Variants in NBEAL2 observed in about 807,000 individuals in gnomAD.
NBEAL2 encodes neurobeachin like 2, also known as neurobeachin-like protein 2.
NBEAL2 carries 160 observed loss-of-function variants against 299.8 expected under a neutral mutation model. The observed-to-expected ratio is 0.53, with a 90% confidence interval of 0.47 to 0.61. NBEAL2 has a LOEUF of 0.61. Ranked by LOEUF, NBEAL2 falls within the 20% of genes least tolerant of loss-of-function variation. The pLI is 0.00. For synonymous variants in NBEAL2, 1,493 were observed against 1,542.3 expected (o/e 0.97, Z 0.75); for missense variants, 3,112 against 3,649.0 (o/e 0.85, Z 3.79).
Position 47,004,071 on chromosome 3 carries a change from C to G in NBEAL2, c.5882-6C>G. ...TGACTCCCGTACCTGCTGTTCCTCC[C>G]CATAGGCATCGGCTATGATTTCCGG... On this transcript the variant is annotated splice_polypyrimidine_tract_variant and splice_region_variant and intron_variant, in intron 36 of 53. Transcript: ENST00000450053. The surrounding 1 kb of genome is among the most constrained non-coding windows in gnomAD (Gnocchi z 5.0). 1.2e-6 allele frequency: 2 copies of G among 1,611,214 alleles called. No homozygotes were observed. The highest frequency in any genetic ancestry group is 1.7e-6 in the Non-Finnish European group (2 of 1,178,110).
In NBEAL2 at chr3:46,998,051, T is replaced by G. The variant is rs962557414; in HGVS notation, c.2959-16T>G. ...GCAGAGCCTGAGCCCTCACTCCAGC[T>G]CCTGTCTTATCCCAGGTCCCAAGCT... On this transcript the variant is annotated splice_polypyrimidine_tract_variant and intron_variant, in intron 20 of 53. Transcript: ENST00000450053. 2.6e-6 allele frequency: 4 copies of G among 1,554,586 alleles called. No homozygotes were observed. In the African/African-American group the frequency reaches 5.5e-5, roughly 21 times the overall value.
chr3:47,004,970 A>G lies in NBEAL2; in HGVS notation c.6295-2A>G. ...GCAGCCCCTGCTCGGGTGGGTGGCC[A>G]GTTCCCCTGGGTCCTGCAGGACTAC... On this transcript the variant is annotated splice_acceptor_variant, in intron 38 of 53. Transcript: ENST00000450053. LOFTEE classifies it high-confidence loss of function. This position sits in a 1 kb window ranked among gnomAD's most constrained non-coding sequence, Gnocchi z 5.0. The G allele has an allele frequency of 1.2e-6, 2 of 1,605,174 alleles. No homozygotes were observed. Among genetic ancestry groups the G allele is most frequent in the East Asian group, 2.3e-5 (1 of 44,346 alleles).
At position 46,999,387 on chromosome 3, in the gene NBEAL2, GGT is replaced by G. The variant is rs1184755298; in HGVS notation, c.3617_3618del (p.Gly1206AlafsTer10). The G allele has an allele frequency of 6.2e-7, 1 of 1,604,170 alleles. No individual in the cohort carries two copies. The highest frequency in any genetic ancestry group is 8.5e-7 in the Non-Finnish European group (1 of 1,176,256). On this transcript the variant is annotated frameshift_variant, in exon 25 of 54. Coordinates refer to ENST00000450053, the MANE Select transcript of NBEAL2 (RefSeq NM_015175.3). LOFTEE classifies it high-confidence loss of function. Reference sequence around the variant, plus strand: ...CCAGCGCCTCCGGCTGCGGGAGTGTGGTCTCCAGGGTCTGGTTGCCTGCTTGC... The same window carrying G: ...CCAGCGCCTCCGGCTGCGGGAGTGTGCTCCAGGGTCTGGTTGCCTGCTTGC... ...SRQRLRLREC[G>X]LQGLVACLPE...
rs549138493 is a variant in NBEAL2 at position 47,009,622 on chromosome 3, A to T, written c.*302A>T. 1.4e-5 allele frequency: 6 copies of T among 430,694 alleles called. No individual in the cohort carries two copies. The highest frequency in any genetic ancestry group is 2.5e-5 in the Non-Finnish European group (6 of 240,492). The allele number at this position is 430,694 out of a possible 1,614,324, so 26.7% of individuals were successfully genotyped here. On this transcript the variant is annotated 3_prime_UTR_variant, in exon 54 of 54. Transcript: ENST00000450053. ...TTCCAAGTCGCTGTTTCGTCAAAGC[A>T]CGAGGGCCGCCTGTGGCCTTAATTC... is the stretch of plus-strand genomic sequence containing the variant.
In NBEAL2 at chr3:47,003,439, G is replaced by A; in HGVS notation, c.5720+130G>A. The stretch of plus-strand genomic sequence containing the variant: ...CTGCCCGACTACGTCCCCCTGAAGG[G>A]ACTGTCCAAAGCCAGATGGTGAGTG... On this transcript the variant is annotated intron_variant, in intron 35 of 53. Coordinates refer to ENST00000450053, the MANE Select transcript of NBEAL2 (RefSeq NM_015175.3). The surrounding 1 kb of genome is among the most constrained non-coding windows in gnomAD (Gnocchi z 7.0). 1 of 1,352,562 alleles carries A rather than the reference G, an allele frequency of 7.4e-7. No individual in the cohort carries two copies. The highest frequency in any genetic ancestry group is 1.5e-5 in the African/African-American group (1 of 68,670). 83.8% of individuals were successfully genotyped at this position (1,352,562 alleles called of 1,614,324 possible). A position where few individuals can be genotyped will look rare whatever the true frequency, so the allele number is the denominator to read the frequency against.
chr3:46,990,232 T>C (rs1361632450), intron 6 of NBEAL2, among the ~76,000 whole-genome samples: 3 of 152,086 alleles, frequency 2.0e-5, no homozygotes, highest in Non-Finnish European at 4.4e-5. Flanking sequence ...TGGGCCTGGA[T>C]CTAGAGTTGG....
At position 46,989,584 on chromosome 3, in the gene NBEAL2, T is replaced by G. The variant is rs780666612; in HGVS notation, c.547T>G (p.Phe183Val). Residue 183 changes from phenylalanine (F) to valine (V), a missense_variant, in exon 6 of 54, where the codon TTC becomes GTC. Phe to Val is a conservative substitution (Grantham distance 50, BLOSUM62 -1). Coordinates refer to ENST00000450053, the MANE Select transcript of NBEAL2 (RefSeq NM_015175.3). This position sits in a 1 kb window ranked among gnomAD's most constrained non-coding sequence, Gnocchi z 5.5. ...TGCTTTGCCCCAGGAATTCAGCGCC[T>G]TCTTCCAAGGTCAGGCCCCGCCCCT... ...PAALPQEFSA[F>V]FQESLQNADH... The G allele has an allele frequency of 1.9e-6, 3 of 1,591,146 alleles. No homozygotes were observed. Among genetic ancestry groups the G allele is most frequent in the South Asian group, 2.3e-5 (2 of 87,420 alleles).
At chr3:47,007,197 C>G in intron 46 of NBEAL2, 42 bp downstream of exon 46, 1 of 1,610,128 alleles carries the variant, frequency 6.2e-7, no homozygotes, top group Non-Finnish European at 8.5e-7. Context: ...TCCACTCCCC[C>G]TTGCCTCTGC....
In NBEAL2 at chr3:46,996,952, A is replaced by C; in HGVS notation, c.2557-2A>C. On this transcript the variant is annotated splice_acceptor_variant, in intron 17 of 53. Transcript: ENST00000450053. LOFTEE classifies it high-confidence loss of function. ...GCTGCCTGCCCATTCCCCTATCCCT[A>C]GGCTTGTAAGAACAACATCTGCCTG... The C allele has an allele frequency of 1.2e-6, 2 of 1,612,894 alleles. No individual in the cohort carries two copies. The highest frequency in any genetic ancestry group is 8.5e-7 in the Non-Finnish European group (1 of 1,179,706).
rs754562426 is a variant in NBEAL2, at chr3:46,997,380, T to G, written c.2771T>G (p.Leu924Arg). Residue 924 changes from leucine to arginine, a missense_variant, in exon 19 of 54, where the codon CTG becomes CGG. Coordinates refer to ENST00000450053, the MANE Select transcript of NBEAL2 (RefSeq NM_015175.3). ...ACGCATGACCTCGTGGGTCCTGAAC[T>G]GACCTCTGGTCACAACACCCAGGGC... ...AETHDLVGPE[L>R]TSGHNTQGLV... The G allele has an allele frequency of 8.7e-6, 14 of 1,611,618 alleles. No homozygotes were observed. Among genetic ancestry groups the G allele is most frequent in the Non-Finnish European group, 1.2e-5 (14 of 1,179,568 alleles).
In NBEAL2 at chr3:46,995,991, T is replaced by A. The variant is rs751937569; in HGVS notation, c.2091T>A (p.His697Gln). ...GRRPFSQNLV[H>Q]VYKDGHLVKT... ...GGCCCTTCAGCCAGAACCTGGTCCA[T>A]GTCTACAAAGACGGCCATCTGGTCA... The change falls in exon 15 of 54, where the codon CAT becomes CAA. Residue 697 changes from histidine to glutamine, a missense_variant. Physicochemically the swap from His to Gln is conservative, Grantham distance 24. Around this residue, in one of 3 missense-constraint regions of NBEAL2, gnomAD observed 2,243 missense variants for 2,538.1 expected, o/e 0.88. Coordinates refer to ENST00000450053, the MANE Select transcript of NBEAL2 (RefSeq NM_015175.3). 1.2e-6 allele frequency: 2 copies of A among 1,613,082 alleles called. No homozygotes were observed. Among genetic ancestry groups the A allele is most frequent in the South Asian group, 2.2e-5 (2 of 90,970 alleles).
At chr3:46,990,413 C>T (rs980699034) in intron 6 of NBEAL2, among the ~76,000 whole-genome samples, 1 of 152,236 alleles carries the variant, frequency 6.6e-6, no homozygotes, top group African/African-American at 2.4e-5. Context: ...CAGCCTTTCT[C>T]TCCACTTGCC....
rs770945623 is a variant in NBEAL2 at position 46,988,821 on chromosome 3, G to A, written c.141-21G>A. The A allele has an allele frequency of 2.7e-5, 43 of 1,603,820 alleles. No homozygotes were observed. Among genetic ancestry groups the A allele is most frequent in the East Asian group, 4.5e-5 (2 of 44,634 alleles). ...GGAGATTGAGGGGTCCTCAGCACCCGTGTCTCCCCTTTCCTTGCAGGCCAG... is the reference window on the plus strand; with the variant it reads ...GGAGATTGAGGGGTCCTCAGCACCCATGTCTCCCCTTTCCTTGCAGGCCAG... On this transcript the variant is annotated intron_variant, in intron 2 of 53. Transcript: ENST00000450053. This position sits in a 1 kb window ranked among gnomAD's most constrained non-coding sequence, Gnocchi z 4.4.
At position 47,003,891 on chromosome 3, in the gene NBEAL2, G is replaced by A; in HGVS notation, c.5796G>A (p.Val1932=). ...CCGAGTGCCAGCTGGTGACGGTAGT[G>A]GCCGTGGTCCCAGGGCTGCTGGAGG... ...LSAECQLVTV[V]AVVPGLLEVT... Residue 1932 remains valine (V), a synonymous_variant, in exon 36 of 54, where the codon GTG becomes GTA. Coordinates refer to ENST00000450053, the MANE Select transcript of NBEAL2 (RefSeq NM_015175.3). This position sits in a 1 kb window ranked among gnomAD's most constrained non-coding sequence, Gnocchi z 7.0. The A allele has an allele frequency of 6.2e-7, 1 of 1,613,688 alleles. No individual in the cohort carries two copies. Among genetic ancestry groups the A allele is most frequent in the African/African-American group, 1.3e-5 (1 of 75,008 alleles).
rs367790977 is a variant in NBEAL2, at chr3:46,991,559, G to A, written c.796G>A (p.Ala266Thr). 29 of 1,604,648 alleles carry A rather than the reference G, an allele frequency of 1.8e-5. No homozygotes were observed. The African/African-American group carries it at 2.4e-4, about 13-fold the overall frequency. Residue 266 changes from alanine to threonine, a missense_variant, in exon 8 of 54, where the codon GCA (alanine) becomes ACA (threonine). Ala to Thr is a moderately conservative substitution (Grantham distance 58, BLOSUM62 0). Transcript: ENST00000450053. The surrounding 1 kb of genome is among the most constrained non-coding windows in gnomAD (Gnocchi z 6.2). ...AGTCCATGTCTTGCATGCCAGCCGCGCACCTCCTCGTGGCCCAGAGCTTCG... is the reference window on the plus strand; with the variant it reads ...AGTCCATGTCTTGCATGCCAGCCGCACACCTCCTCGTGGCCCAGAGCTTCG... ...GAVHVLHASR[A>T]PPRGPELRAL... is the part of the protein sequence containing the mutation.
At position 46,996,327 on chromosome 3, in the gene NBEAL2, A is replaced by G. The variant is rs1254533375; in HGVS notation, c.2208A>G (p.Thr736=). 1.2e-6 allele frequency: 2 copies of G among 1,611,550 alleles called. No homozygotes were observed. Among genetic ancestry groups the G allele is most frequent in the Admixed American group, 3.3e-5 (2 of 60,008 alleles). Residue 736 remains threonine, a synonymous_variant, in exon 16 of 54, where the codon ACA becomes ACG. Transcript: ENST00000450053. The stretch of plus-strand genomic sequence containing the variant: ...GATACCGCACAACGACCACCACCAC[A>G]GGGCTGCCCACACCACCAGTCCCCG... ...SAGYRTTTTT[T]GLPTPPVPAT... is the part of the protein sequence containing the mutation.
rs113614577 is a variant in NBEAL2, at chr3:46,998,105, C to T, written c.2997C>T (p.Ser999=). ...CCATGGACATGAACGTGCTCATGTC[C>T]GCCCAGCTGCTGATGGAGCAGGTGG... ...SWAMDMNVLM[S]AQLLMEQVAA... The change falls in exon 21 of 54, where the codon TCC becomes TCT. Residue 999 remains serine (S), a synonymous_variant. Coordinates refer to ENST00000450053, the MANE Select transcript of NBEAL2 (RefSeq NM_015175.3). 1.9e-4 allele frequency: 297 copies of T among 1,580,786 alleles called. 2 individuals are homozygous for T. In the African/African-American group the frequency reaches 3.3e-3, roughly 17 times the overall value.
Position 46,998,147 on chromosome 3 carries a change from G to A in NBEAL2, c.3039G>A (p.Gly1013=). 1.2e-6 allele frequency: 2 copies of A among 1,601,732 alleles called. No homozygotes were observed. The highest frequency in any genetic ancestry group is 1.7e-5 in the Admixed American group (1 of 58,426). ...LMEQVAAEGS[G]PLLYLLYQHL... ...AGCAGGTGGCAGCTGAGGGCAGCGG[G>A]CCCCTCCTGTACCTACTCTACCAGC... The change falls in exon 21 of 54, where the codon GGG becomes GGA. Residue 1013 remains glycine, a synonymous_variant. Transcript: ENST00000450053.
Position 47,000,913 on chromosome 3 carries a change from G to A in NBEAL2, c.4306-88G>A. On this transcript the variant is annotated intron_variant, in intron 27 of 53. Transcript: ENST00000450053. The surrounding 1 kb of genome is among the most constrained non-coding windows in gnomAD (Gnocchi z 4.5). ...CTCCTGGGTGGCTACCCCAGGAGGG[G>A]TGCTGAGTGGGGATGGGTGGGCGTC... The A allele has an allele frequency of 2.2e-5, 34 of 1,535,106 alleles. No homozygotes were observed. Among genetic ancestry groups the A allele is most frequent in the Non-Finnish European group, 2.7e-5 (31 of 1,135,934 alleles).
Sources: gnomAD v4.1 joint callset for allele counts (sites outside exome capture counted in the v4.1 genomes callset) on GRCh38, gnomAD v4.1.1 for gene constraint, gnomAD v4.1.1 regional missense constraint, Gnocchi (gnomAD v3.1) non-coding constraint, MANE v1.5 for transcripts, NCBI Gene and HGNC (gene_info 2026-07-23, HGNC 2026-07-21) for gene names.